Variants in ENTREP3 observed in about 807,000 individuals in gnomAD.
ENTREP3 encodes the protein endosomal transmembrane epsin interactor 3, also known as protein ENTREP3.
the ENTREP3 span, chr1:155,254,151 C>T: frequency 2.5e-6 from 4 of 1,614,086 alleles, no homozygotes; most frequent in South Asian, 3.3e-5. The surrounding 1 kb of genome is among the most constrained non-coding windows in gnomAD (Gnocchi z 4.4). Flanking sequence ...GCCAGCCATG[C>T]TAAGCATGAC....
the ENTREP3 span, chr1:155,250,520 G>A: frequency 6.6e-7 from 1 of 1,519,618 alleles, no homozygotes; most frequent in Non-Finnish European, 8.8e-7. The surrounding 1 kb of genome is among the most constrained non-coding windows in gnomAD (Gnocchi z 5.4). Flanking sequence ...CCAACCGGTG[G>A]CAGCTGCGGG....
the ENTREP3 span, chr1:155,250,732 G>C: frequency 6.2e-7 from 1 of 1,612,972 alleles, no homozygotes; most frequent in Non-Finnish European, 8.5e-7. The surrounding 1 kb of genome is among the most constrained non-coding windows in gnomAD (Gnocchi z 5.4). Context: ...GAGCCCTGCA[G>C]CTCCAGCAGG....
the ENTREP3 span, chr1:155,250,922 G>A: frequency 2.0e-5 from 27 of 1,321,826 alleles, no homozygotes; most frequent in Middle Eastern, 1.9e-4. The surrounding 1 kb of genome is among the most constrained non-coding windows in gnomAD (Gnocchi z 5.4). Flanking sequence ...GGGCCACTGT[G>A]CCTCCAGCTT....
chr1:155,248,127 C>T, the ENTREP3 span: 2 of 1,614,078 alleles, frequency 1.2e-6, no homozygotes, highest in Admixed American at 1.7e-5. Flanking sequence ...GTGACCAGGC[C>T]CCGACCTGGC....
the ENTREP3 span, chr1:155,253,649 G>T: frequency 1.1e-4 from 172 of 1,613,896 alleles, 1 homozygote; most frequent in African/African-American, 1.5e-3. Context: ...CCAGGGAGAA[G>T]ATTTGGATGC....
chr1:155,250,501 G>A, the ENTREP3 span: 3 of 1,498,086 alleles, frequency 2.0e-6, no homozygotes, highest in Non-Finnish European at 8.9e-7. This position sits in a 1 kb window ranked among gnomAD's most constrained non-coding sequence, Gnocchi z 5.4. Flanking sequence ...ACCCAGGGCG[G>A]CCAGCCCTCC....
chr1:155,254,907 C>T, the ENTREP3 span: 11 of 1,524,584 alleles, frequency 7.2e-6, no homozygotes, highest in South Asian at 3.6e-5. The surrounding 1 kb of genome is among the most constrained non-coding windows in gnomAD (Gnocchi z 4.4). Flanking sequence ...GCGCCTCGCT[C>T]GGCCCTCCCT....
At chr1:155,254,309 G>C in the ENTREP3 span, 1 of 1,525,864 alleles carries the variant, frequency 6.6e-7, no homozygotes, top group South Asian at 1.1e-5. The surrounding 1 kb of genome is among the most constrained non-coding windows in gnomAD (Gnocchi z 4.4). Context: ...GCACCAACTG[G>C]GGAGCCAGTT....
At chr1:155,251,694 C>T in the ENTREP3 span, 3 of 1,611,096 alleles carry the variant, frequency 1.9e-6, no homozygotes, top group Non-Finnish European at 2.5e-6. Context: ...CCCCAGTCCC[C>T]TTCCTTAGCT....
chr1:155,249,985 G>A, the ENTREP3 span, among the ~76,000 whole-genome samples: 2 of 151,818 alleles, frequency 1.3e-5, no homozygotes, highest in South Asian at 4.2e-4. Context: ...ACTTGAACCC[G>A]GGAAACGGGT....
chr1:155,252,195 TCCATCTAGGA>T, the ENTREP3 span: 1 of 355,834 alleles, frequency 2.8e-6, no homozygotes, highest in Non-Finnish European at 4.8e-6. Flanking sequence ...TAGCCTCACC[TCCATCTAGGA>T]CCTTCTTTTT....
the ENTREP3 span, chr1:155,251,027 T>C: frequency 6.8e-7 from 1 of 1,472,594 alleles, no homozygotes; most frequent in Non-Finnish European, 9.4e-7. Flanking sequence ...CCCCTTCTAT[T>C]GTCTCTACCC....
chr1:155,250,614 A>AG, the ENTREP3 span: 1 of 1,609,502 alleles, frequency 6.2e-7, no homozygotes. The surrounding 1 kb of genome is among the most constrained non-coding windows in gnomAD (Gnocchi z 5.4). Context: ...GCGCCGTGGC[A>AG]GGGGGCTTTC....
chr1:155,253,216 T>A, the ENTREP3 span: 60,116 of 164,576 alleles, frequency 0.37, 13,501 homozygotes, highest in East Asian at 0.71. Flanking sequence ...GCCCGATTTT[T>A]GTATTTTTAA....
the ENTREP3 span, among the ~76,000 whole-genome samples, chr1:155,249,565 G>T: frequency 6.6e-6 from 1 of 151,280 alleles, no homozygotes; most frequent in East Asian, 2.0e-4. Flanking sequence ...CCAAAAGGGT[G>T]AAACCCTGTC....
At chr1:155,247,576 A>T in the ENTREP3 span, 44 of 718,822 alleles carry the variant, frequency 6.1e-5, no homozygotes, top group Non-Finnish European at 1.0e-4. Context: ...CTAAATACCC[A>T]TGCAGCACAG....
chr1:155,250,541 G>T, the ENTREP3 span: 1 of 1,561,692 alleles, frequency 6.4e-7, no homozygotes, highest in East Asian at 2.3e-5. The surrounding 1 kb of genome is among the most constrained non-coding windows in gnomAD (Gnocchi z 5.4). Flanking sequence ...CAGCTGTGGG[G>T]GCACCCAGTG....
chr1:155,250,413 GCTCGGGTGGGC>G, the ENTREP3 span: 5 of 1,501,272 alleles, frequency 3.3e-6, no homozygotes, highest in Non-Finnish European at 4.4e-6. This position sits in a 1 kb window ranked among gnomAD's most constrained non-coding sequence, Gnocchi z 5.4. Context: ...ACGAGTCGGG[GCTCGGGTGGGC>G]GGGGCTGCGG....
chr1:155,254,983 T>A, the ENTREP3 span: 1 of 881,444 alleles, frequency 1.1e-6, no homozygotes, highest in Non-Finnish European at 1.7e-6. This position sits in a 1 kb window ranked among gnomAD's most constrained non-coding sequence, Gnocchi z 4.4. Flanking sequence ...CCACTCGCTC[T>A]AGAGCCCACC....
Sources: allele counts gnomAD v4.1 joint callset (sites outside exome capture counted in the v4.1 genomes callset), GRCh38; gene constraint gnomAD v4.1.1; non-coding constraint Gnocchi (gnomAD v3.1); transcripts MANE v1.5; gene names NCBI Gene and HGNC (gene_info 2026-07-23, HGNC 2026-07-21).